Variants in ZC3H18 observed in about 807,000 individuals in gnomAD.
ZC3H18 encodes zinc finger CCCH domain-containing protein 18.
In ZC3H18, 8 loss-of-function variants were observed where a neutral mutation model predicts 106.1. That is an observed-to-expected ratio of 0.08 (90% CI 0.04 to 0.14). ZC3H18 has a LOEUF of 0.14. ZC3H18 is among the 10% of genes least tolerant of loss of function. The pLI, the probability that ZC3H18 is intolerant of heterozygous loss-of-function variation, is 1.00. For synonymous variants in ZC3H18, 635 were observed against 522.1 expected (o/e 1.22, Z -2.95); for missense variants, 1,318 against 1,278.4 (o/e 1.03, Z -0.47).
intron 6 of ZC3H18, among the ~76,000 whole-genome samples, chr16:88,602,903 A>G (rs1328276070): frequency 1.3e-5 from 2 of 152,204 alleles, no homozygotes; most frequent in Non-Finnish European, 2.9e-5. Flanking sequence ...TTGTAGAACC[A>G]GTGGAATATG....
intron 6 of ZC3H18, among the ~76,000 whole-genome samples, chr16:88,604,537 T>A (rs1275258655): frequency 6.6e-6 from 1 of 151,544 alleles, no homozygotes; most frequent in Non-Finnish European, 1.5e-5. Flanking sequence ...ATACAAAAAA[T>A]TAGCCAGGCG....
At position 88,628,017 on chromosome 16, in the gene ZC3H18, G is replaced by T. The variant is rs1296879490; in HGVS notation, c.2367G>T (p.Lys789Asn). 1 of 1,614,192 alleles carries T rather than the reference G, an allele frequency of 6.2e-7. No homozygotes were observed. The highest frequency in any genetic ancestry group is 2.2e-5 in the East Asian group (1 of 44,882). The change falls in exon 15 of 18, where the codon AAG becomes AAT. Residue 789 changes from lysine to asparagine, a missense_variant. By Grantham distance (94) the Lys-to-Asn change is moderately conservative. Around this residue, in one of 6 missense-constraint regions of ZC3H18, gnomAD observed 848 missense variants for 821.7 expected, o/e 1.03. Transcript: ENST00000301011. ...PKSAKPPAGG[K>N]SSQQPSTPQQ... ...CTGCAAAACCTCCAGCAGGGGGGAAGTCCTCCCAGCAGCCCTCGACACCCC... is the reference window on the plus strand; with the variant it reads ...CTGCAAAACCTCCAGCAGGGGGGAATTCCTCCCAGCAGCCCTCGACACCCC...
intron 8 of ZC3H18, among the ~76,000 whole-genome samples, chr16:88,613,650 A>G (rs1188087411): frequency 1.3e-5 from 2 of 152,072 alleles, no homozygotes; most frequent in Non-Finnish European, 2.9e-5. Context: ...TCTTTGGAGA[A>G]ACGCCTATTC....
At chr16:88,629,844 C>G (rs1419992145) in intron 16 of ZC3H18, among the ~76,000 whole-genome samples, 2 of 152,210 alleles carry the variant, frequency 1.3e-5, no homozygotes, top group East Asian at 1.9e-4. Flanking sequence ...CACTCCCAGA[C>G]ACAGAGAACA....
intron 6 of ZC3H18, among the ~76,000 whole-genome samples, chr16:88,603,991 C>T (rs1309616542): frequency 6.6e-6 from 1 of 152,030 alleles, no homozygotes; most frequent in African/African-American, 2.4e-5. Context: ...CTCTGATTCG[C>T]AGCTTTAAAT....
At chr16:88,609,349 G>A in intron 7 of ZC3H18, 1 of 206,980 alleles carries the variant, frequency 4.8e-6, no homozygotes, top group South Asian at 6.6e-5. Flanking sequence ...CCAGGCTGGA[G>A]TGCAGCGGTG....
intron 6 of ZC3H18, among the ~76,000 whole-genome samples, chr16:88,605,666 G>T (rs957002723): frequency 6.6e-6 from 1 of 152,256 alleles, no homozygotes; most frequent in Admixed American, 6.5e-5. Flanking sequence ...AAAGTGAGTA[G>T]TGTTAGACAT....
chr16:88,572,202 C>T (rs985561552), intron 1 of ZC3H18, among the ~76,000 whole-genome samples: 48 of 152,248 alleles, frequency 3.2e-4, no homozygotes, highest in African/African-American at 1.1e-3. Flanking sequence ...AGGTCATTCG[C>T]AATGAGAAGG....
At chr16:88,587,558 A>T (rs1444644562) in intron 3 of ZC3H18, 1 of 1,536,108 alleles carries the variant, frequency 6.5e-7, no homozygotes, top group Admixed American at 2.0e-5. Context: ...TGACACCATT[A>T]TCCACTCTTC....
At chr16:88,574,822 C>G (rs1195158507) in intron 1 of ZC3H18, among the ~76,000 whole-genome samples, 3 of 145,322 alleles carry the variant, frequency 2.1e-5, no homozygotes, top group Non-Finnish European at 4.6e-5. Flanking sequence ...CCAATTTGTT[C>G]TAATGTATCT....
chr16:88,591,263 C>G (rs992568826), intron 3 of ZC3H18, among the ~76,000 whole-genome samples: 1 of 151,978 alleles, frequency 6.6e-6, no homozygotes, highest in Non-Finnish European at 1.5e-5. Flanking sequence ...AGTCACTGCA[C>G]CTGGCCTTCT....
chr16:88,596,644 T>C (rs1469869818), intron 3 of ZC3H18, among the ~76,000 whole-genome samples: 1 of 152,018 alleles, frequency 6.6e-6, no homozygotes, highest in Non-Finnish European at 1.5e-5. Flanking sequence ...AGAGTGAGAC[T>C]CCATCTGAAA....
At chr16:88,588,784 G>T (rs1459001841) in intron 3 of ZC3H18, among the ~76,000 whole-genome samples, 1 of 152,056 alleles carries the variant, frequency 6.6e-6, no homozygotes, top group Non-Finnish European at 1.5e-5. Context: ...GGGGGTGGGG[G>T]CTGACAGGGG....
chr16:88,574,904 A>C (rs1180572657), intron 1 of ZC3H18, among the ~76,000 whole-genome samples: 1 of 144,464 alleles, frequency 6.9e-6, no homozygotes, highest in Non-Finnish European at 1.5e-5. Flanking sequence ...ATCTCGGCTC[A>C]CTCCAAGCCC....
At chr16:88,615,075 C>G (rs1046289130) in intron 8 of ZC3H18, among the ~76,000 whole-genome samples, 34 of 149,966 alleles carry the variant, frequency 2.3e-4, no homozygotes, top group African/African-American at 8.1e-4. Context: ...GGGCTGCCCC[C>G]ACCTGCTCCG....
At chr16:88,618,949 G>A (rs1905790621) in intron 8 of ZC3H18, among the ~76,000 whole-genome samples, 2 of 152,146 alleles carry the variant, frequency 1.3e-5, no homozygotes, top group Admixed American at 6.5e-5. Flanking sequence ...CACTCGGTGG[G>A]CTGTCCTGGG....
intron 8 of ZC3H18, among the ~76,000 whole-genome samples, chr16:88,621,262 T>A (rs1410703450): frequency 6.6e-6 from 1 of 151,548 alleles, no homozygotes; most frequent in Non-Finnish European, 1.5e-5. Context: ...TCTCGCTCTG[T>A]CGCCCAGGCT....
chr16:88,583,244 GGAAAA>G (rs148409258), intron 2 of ZC3H18, among the ~76,000 whole-genome samples: 1,975 of 152,336 alleles, frequency 0.013, 20 homozygotes, highest in Non-Finnish European at 0.02. Context: ...ATTTAAGAAA[GGAAAA>G]GAAAAGGCTG....
At chr16:88,601,422 G>A (rs555015355) in intron 6 of ZC3H18, among the ~76,000 whole-genome samples, 7 of 152,288 alleles carry the variant, frequency 4.6e-5, no homozygotes, top group East Asian at 1.9e-4. Flanking sequence ...GAACCTGGGC[G>A]TGATCCTTGA....
Sources: gnomAD v4.1 joint callset for allele counts (sites outside exome capture counted in the v4.1 genomes callset) on GRCh38, gnomAD v4.1.1 for gene constraint, gnomAD v4.1.1 regional missense constraint, MANE v1.5 for transcripts, NCBI Gene and HGNC (gene_info 2026-07-23, HGNC 2026-07-21) for gene names.